BCKDHB: variants seen among roughly 807,000 people sequenced by gnomAD.
BCKDHB encodes the protein 2-oxoisovalerate dehydrogenase subunit beta, mitochondrial.
A neutral mutation model predicts 48.5 loss-of-function variants in BCKDHB; 41 were observed. The ratio of observed to expected loss-of-function variants is 0.85; its 90% CI spans 0.66 to 1.10. The LOEUF is 1.10. BCKDHB is among the 50% of genes least tolerant of loss of function. The pLI is 0.00. For synonymous variants in BCKDHB, 201 were observed against 174.8 expected (o/e 1.15, Z -1.18); for missense variants, 496 against 494.2 (o/e 1.00, Z -0.03).
intron 9 of BCKDHB, among the ~76,000 whole-genome samples, chr6:80,305,161 A>G (rs1391262729): frequency 6.6e-6 from 1 of 152,164 alleles, no homozygotes; most frequent in Admixed American, 6.5e-5. Flanking sequence ...CAATGTTGCT[A>G]TAGATAAACA....
the BCKDHB span, among the ~76,000 whole-genome samples, chr6:80,412,732 T>G: frequency 6.6e-6 from 1 of 152,204 alleles, no homozygotes; most frequent in East Asian, 1.9e-4. Flanking sequence ...CTCCTTCAGC[T>G]TTTGTCTGGC....
At chr6:80,180,209 A>C (rs541415858) in intron 6 of BCKDHB, among the ~76,000 whole-genome samples, 100 of 152,336 alleles carry the variant, frequency 6.6e-4, no homozygotes, top group African/African-American at 2.3e-3. Context: ...TATGCAATCA[A>C]TATATATAAA....
At chr6:80,133,921 G>T (rs986977232) in intron 3 of BCKDHB, among the ~76,000 whole-genome samples, 1 of 152,120 alleles carries the variant, frequency 6.6e-6, no homozygotes, top group Non-Finnish European at 1.5e-5. Context: ...GGGATTACAG[G>T]CGTGAGCCAC....
chr6:80,149,027 A>T (rs1362938817), intron 3 of BCKDHB, among the ~76,000 whole-genome samples: 2 of 152,190 alleles, frequency 1.3e-5, no homozygotes, highest in African/African-American at 4.8e-5. Context: ...ATCAGAGTGA[A>T]CAGGCAACCT....
intron 9 of BCKDHB, among the ~76,000 whole-genome samples, chr6:80,282,978 T>C (rs1672144877): frequency 6.6e-6 from 1 of 152,152 alleles, no homozygotes; most frequent in Non-Finnish European, 1.5e-5. Context: ...TCATGTACAT[T>C]TGAGTTTTGG....
Position 80,342,444 on chromosome 6 carries a change from G to A in BCKDHB, c.1039-1220G>A, listed in dbSNP as rs1196243639. Among the ~76,000 whole-genome samples the A allele has an allele frequency of 2.0e-5, 3 of 151,126 alleles. No individual in the cohort carries two copies. The East Asian group carries it at 5.8e-4, about 29-fold the overall frequency. On this transcript the variant is annotated intron_variant, in intron 9 of 9. Transcript: ENST00000320393. The stretch of plus-strand genomic sequence containing the variant: ...CTTTAAACGTTTTATTTTCAGTCTG[G>A]GCTTGGGGACTCACACCTGTAATCC...
intron 8 of BCKDHB, among the ~76,000 whole-genome samples, chr6:80,252,921 C>A (rs981143393): frequency 1.3e-5 from 2 of 152,080 alleles, no homozygotes; most frequent in Non-Finnish European, 2.9e-5. Flanking sequence ...TCTTTCTTCA[C>A]CCCCTCCTCC....
the BCKDHB span, among the ~76,000 whole-genome samples, chr6:80,370,040 A>T: frequency 2.6e-4 from 39 of 152,214 alleles, no homozygotes; most frequent in African/African-American, 9.2e-4. Context: ...ATAAAGTAGT[A>T]TATTAGTCAA....
intron 8 of BCKDHB, among the ~76,000 whole-genome samples, chr6:80,247,098 C>A (rs1236116574): frequency 2.0e-5 from 3 of 152,214 alleles, no homozygotes; most frequent in Admixed American, 2.0e-4. Flanking sequence ...ATGGTCCAAG[C>A]AAAGTCCTTT....
At chr6:80,135,988 T>A (rs576587650) in intron 3 of BCKDHB, 1 of 152,320 alleles carries the variant, frequency 6.6e-6, no homozygotes, top group Admixed American at 6.5e-5. Context: ...TTTCAGCATG[T>A]GTCAAAGTTT....
the BCKDHB span, among the ~76,000 whole-genome samples, chr6:80,384,281 G>C: frequency 6.6e-6 from 1 of 151,968 alleles, no homozygotes; most frequent in Non-Finnish European, 1.5e-5. Context: ...CAGCCCACAG[G>C]TTTCTCCCAT....
At chr6:80,264,178 C>T (rs1777417757) in intron 8 of BCKDHB, among the ~76,000 whole-genome samples, 1 of 152,038 alleles carries the variant, frequency 6.6e-6, no homozygotes, top group African/African-American at 2.4e-5. Context: ...TATGCTTTGC[C>T]CTAGGGCATT....
At chr6:80,151,950 G>A (rs1036435431) in intron 3 of BCKDHB, among the ~76,000 whole-genome samples, 2 of 152,070 alleles carry the variant, frequency 1.3e-5, no homozygotes, top group South Asian at 2.1e-4. Context: ...GTTGACGTAG[G>A]TACTGGGTAC....
At chr6:80,381,520 A>G in the BCKDHB span, among the ~76,000 whole-genome samples, 1 of 152,042 alleles carries the variant, frequency 6.6e-6, no homozygotes, top group Non-Finnish European at 1.5e-5. Context: ...TCACATTTTA[A>G]TATTAAAGTC....
At chr6:80,123,693 G>T (rs906353784) in intron 1 of BCKDHB, among the ~76,000 whole-genome samples, 1 of 152,140 alleles carries the variant, frequency 6.6e-6, no homozygotes, top group Non-Finnish European at 1.5e-5. Flanking sequence ...GGTGTTTATA[G>T]TATTCTCTGA....
chr6:80,388,620 A>T, the BCKDHB span, among the ~76,000 whole-genome samples: 1 of 152,198 alleles, frequency 6.6e-6, no homozygotes, highest in Non-Finnish European at 1.5e-5. Context: ...TCCTGAAGGC[A>T]CAAGTAAGTT....
intron 3 of BCKDHB, among the ~76,000 whole-genome samples, chr6:80,155,364 T>A (rs1047482673): frequency 1.3e-5 from 2 of 152,162 alleles, no homozygotes; most frequent in Middle Eastern, 3.2e-3. Flanking sequence ...TTTTAGCATT[T>A]GTGACTTGAG....
chr6:80,267,634 C>T (rs1168116925), intron 8 of BCKDHB, among the ~76,000 whole-genome samples: 2 of 151,916 alleles, frequency 1.3e-5, no homozygotes, highest in African/African-American at 4.8e-5. Context: ...AAGGTAAGGT[C>T]GATTAACTGA....
At chr6:80,139,099 T>G (rs1028888849) in intron 3 of BCKDHB, among the ~76,000 whole-genome samples, 42 of 152,250 alleles carry the variant, frequency 2.8e-4, no homozygotes, top group African/African-American at 1.0e-3. Context: ...CATAAATGTC[T>G]TCTTCTGAGA....
Sources: allele counts gnomAD v4.1 joint callset (sites outside exome capture counted in the v4.1 genomes callset), GRCh38; gene constraint gnomAD v4.1.1; transcripts MANE v1.5; gene names NCBI Gene and HGNC (gene_info 2026-07-23, HGNC 2026-07-21).